Variants in ADAMTSL1 observed in about 807,000 individuals in gnomAD.
ADAMTSL1 encodes ADAMTS like 1.
A neutral mutation model predicts 201.8 loss-of-function variants in ADAMTSL1; 126 were observed. The ratio of observed to expected loss-of-function variants is 0.62; its 90% CI spans 0.54 to 0.72. The LOEUF (loss-of-function observed/expected upper bound fraction) is 0.72. ADAMTSL1 is among the 30% of genes least tolerant of loss of function. The pLI is 0.00. For synonymous variants in ADAMTSL1, 1,121 were observed against 903.4 expected, an observed-to-expected ratio of 1.24 and a Z score of -4.32; for missense variants, 2,679 against 2,277.8, an observed-to-expected ratio of 1.18 and a Z score of -3.59.
At chr9:18,722,923 T>A in intron 15 of ADAMTSL1, 1 of 722,022 alleles carries the variant, frequency 1.4e-6, no homozygotes, top group Non-Finnish European at 2.6e-6. Flanking sequence ...TCCACATTTC[T>A]GTCCTAACTT....
chr9:18,482,371 C>T (rs934103482), intron 1 of ADAMTSL1, among the ~76,000 whole-genome samples: 6 of 152,192 alleles, frequency 3.9e-5, no homozygotes, highest in Non-Finnish European at 8.8e-5. Context: ...CATTAATTTT[C>T]ACGGAGTTTC....
chr9:18,410,998 C>T (rs901214681), intron 2 of ADAMTSL1, among the ~76,000 whole-genome samples: 10 of 150,922 alleles, frequency 6.6e-5, no homozygotes, highest in South Asian at 4.2e-4. Flanking sequence ...CACACCACCA[C>T]GCCTGGCTAG....
intron 1 of ADAMTSL1, among the ~76,000 whole-genome samples, chr9:18,094,732 T>A (rs191652453): frequency 7.2e-5 from 11 of 152,148 alleles, no homozygotes; most frequent in Non-Finnish European, 1.5e-4. Context: ...AGCTAATTTT[T>A]TTTTTTTGTA....
At chr9:18,533,315 G>T (rs1259838694) in intron 3 of ADAMTSL1, 23 bp downstream of exon 3, 6 of 1,594,048 alleles carry the variant, frequency 3.8e-6, no homozygotes, top group Non-Finnish European at 5.1e-6. Context: ...TTCTGAGATT[G>T]TAATCATGTA....
intron 1 of ADAMTSL1, among the ~76,000 whole-genome samples, chr9:17,917,785 G>A (rs1261811464): frequency 6.6e-6 from 1 of 151,920 alleles, no homozygotes; most frequent in East Asian, 1.9e-4. Flanking sequence ...ATTCACCAGT[G>A]AAGCCACCTG....
intron 1 of ADAMTSL1, among the ~76,000 whole-genome samples, chr9:17,949,088 C>T (rs1443625907): frequency 2.0e-5 from 3 of 152,222 alleles, no homozygotes; most frequent in African/African-American, 7.2e-5. Context: ...AATGAAGGTA[C>T]AATGTTAAAG....
At chr9:18,817,502 G>A (rs1823936765) in intron 21 of ADAMTSL1, among the ~76,000 whole-genome samples, 1 of 152,192 alleles carries the variant, frequency 6.6e-6, no homozygotes, top group African/African-American at 2.4e-5. Flanking sequence ...CAGATAGAAT[G>A]TGAACCTGCA....
At chr9:18,183,120 A>G (rs937955454) in intron 2 of ADAMTSL1, among the ~76,000 whole-genome samples, 2 of 152,230 alleles carry the variant, frequency 1.3e-5, no homozygotes, top group East Asian at 3.8e-4. Context: ...AGCAAACGCA[A>G]CACAGTGAAG....
chr9:18,128,851 A>G (rs1305825490), intron 1 of ADAMTSL1, among the ~76,000 whole-genome samples: 1 of 152,190 alleles, frequency 6.6e-6, no homozygotes, highest in African/African-American at 2.4e-5. Flanking sequence ...TAGCAGAAAG[A>G]AGGTGGCCAT....
chr9:18,503,288 G>A (rs1336111441), intron 1 of ADAMTSL1, among the ~76,000 whole-genome samples: 4 of 151,644 alleles, frequency 2.6e-5, no homozygotes, highest in Non-Finnish European at 2.9e-5. Flanking sequence ...AGATACCTCA[G>A]TAAGTGGAAT....
chr9:18,832,297 TCAGACCA>T (rs1050302731), intron 23 of ADAMTSL1, among the ~76,000 whole-genome samples: 18 of 152,148 alleles, frequency 1.2e-4, no homozygotes, highest in African/African-American at 4.1e-4. Flanking sequence ...GGTGGCCCTT[TCAGACCA>T]CAGTGTGCGC....
intron 21 of ADAMTSL1, among the ~76,000 whole-genome samples, chr9:18,824,117 A>G (rs1444339024): frequency 6.6e-6 from 1 of 152,132 alleles, no homozygotes; most frequent in Non-Finnish European, 1.5e-5. Context: ...TTCTTTCAGG[A>G]GAAAAATAGC....
intron 2 of ADAMTSL1, among the ~76,000 whole-genome samples, chr9:18,279,750 A>G (rs551397372): frequency 1.3e-5 from 2 of 152,296 alleles, no homozygotes; most frequent in Admixed American, 6.5e-5. Flanking sequence ...TGAATTAAAA[A>G]TGCAGTATTC....
At chr9:18,623,777 A>C (rs1454142605) in intron 5 of ADAMTSL1, among the ~76,000 whole-genome samples, 2 of 152,184 alleles carry the variant, frequency 1.3e-5, no homozygotes, top group Non-Finnish European at 2.9e-5. Context: ...TTGTCTCCAG[A>C]TTTTGCTACT....
At position 18,889,554 on chromosome 9, in the gene ADAMTSL1, T is replaced by TC; in HGVS notation, c.4463-12dup. 6.2e-7 allele frequency: 1 copy of TC among 1,612,772 alleles called. No homozygotes were observed. On this transcript the variant is annotated splice_polypyrimidine_tract_variant and intron_variant, in intron 24 of 28. Transcript: ENST00000380548. Reference sequence around the variant, plus strand: ...GCTATATTCTTTTCTACACTGCTCCTCCTCCCATGACAGATTACTGGTGGT... The same window carrying TC: ...GCTATATTCTTTTCTACACTGCTCCTCCCTCCCATGACAGATTACTGGTGGT...
chr9:18,349,903 T>C (rs1341131255), intron 2 of ADAMTSL1, among the ~76,000 whole-genome samples: 1 of 150,884 alleles, frequency 6.6e-6, no homozygotes, highest in East Asian at 2.0e-4. Context: ...TCTATTAGGT[T>C]GGTGCAAAAG....
intron 2 of ADAMTSL1, among the ~76,000 whole-genome samples, chr9:18,383,012 T>C (rs892347699): frequency 1.3e-5 from 2 of 152,176 alleles, no homozygotes; most frequent in Non-Finnish European, 2.9e-5. Context: ...CTGTGTTCTC[T>C]CCTTAGACAT....
intron 7 of ADAMTSL1, among the ~76,000 whole-genome samples, chr9:18,643,001 G>C (rs776748): frequency 0.92 from 140,452 of 152,080 alleles, 64,884 homozygotes; most frequent in East Asian, 0.99. Flanking sequence ...TTTTAGAAAT[G>C]TTTATACTGT....
chr9:18,858,088 T>G (rs904640276), intron 23 of ADAMTSL1, among the ~76,000 whole-genome samples: 1 of 152,120 alleles, frequency 6.6e-6, no homozygotes, highest in African/African-American at 2.4e-5. Context: ...TGTATAGCCA[T>G]ATACACACAC....
Sources: allele counts gnomAD v4.1 joint callset (sites outside exome capture counted in the v4.1 genomes callset), GRCh38; gene constraint gnomAD v4.1.1; transcripts MANE v1.5; gene names NCBI Gene and HGNC (gene_info 2026-07-23, HGNC 2026-07-21).